ZFPM2: variants seen among roughly 807,000 people sequenced by gnomAD.
The protein encoded by ZFPM2 is zinc finger protein ZFPM2.
A neutral mutation model predicts 98.6 loss-of-function variants in ZFPM2; 20 were observed. The observed-to-expected ratio is 0.20, with a 90% CI of 0.14 to 0.29. The LOEUF (loss-of-function observed/expected upper bound fraction) is 0.29, where lower values mean the gene tolerates loss of function less well. Ranked by LOEUF, ZFPM2 falls within the 10% of genes least tolerant of loss-of-function variation. The probability of loss-of-function intolerance (pLI) is 1.00; values close to 1 mark genes in which losing one functional copy is unlikely to be tolerated. For missense variants in ZFPM2, 1,310 were observed against 1,388.6 expected, an observed-to-expected ratio of 0.94 and a Z score of 0.90; for synonymous variants, 518 against 502.7, an observed-to-expected ratio of 1.03 and a Z score of -0.41.
At chr8:105,791,880 A>T (rs1244191686) in intron 6 of ZFPM2, among the ~76,000 whole-genome samples, 2 of 152,042 alleles carry the variant, frequency 1.3e-5, no homozygotes, top group Non-Finnish European at 2.9e-5. Flanking sequence ...ATTTGCATAG[A>T]GGTGTTTGTA....
At chr8:105,801,012 G>A (rs371923037) in intron 7 of ZFPM2, 35 bp from the exon 8 acceptor site, 3 of 1,570,294 alleles carry the variant, frequency 1.9e-6, no homozygotes, top group Non-Finnish European at 2.6e-6. Flanking sequence ...CAACACACAT[G>A]TTTCTCATTG....
intron 3 of ZFPM2, among the ~76,000 whole-genome samples, chr8:105,523,882 T>C (rs541252623): frequency 1.3e-5 from 2 of 152,264 alleles, no homozygotes; most frequent in East Asian, 3.9e-4. Context: ...CAAAAGCAAC[T>C]GGGAGAACAT....
intron 1 of ZFPM2, 36 bp from the exon 2 acceptor site, chr8:105,419,108 A>G (rs1811741065): frequency 3.1e-6 from 5 of 1,594,790 alleles, no homozygotes; most frequent in South Asian, 1.1e-5. Context: ...TCTTCCTTGC[A>G]TATTTTTGGT....
At chr8:105,329,557 G>A (rs1377425184) in intron 1 of ZFPM2, among the ~76,000 whole-genome samples, 2 of 151,646 alleles carry the variant, frequency 1.3e-5, no homozygotes, top group East Asian at 3.9e-4. Flanking sequence ...GTAATCTTAT[G>A]GGGTAAAGAG....
intron 5 of ZFPM2, among the ~76,000 whole-genome samples, chr8:105,701,125 T>C (rs911815097): frequency 1.3e-5 from 2 of 152,226 alleles, no homozygotes; most frequent in Non-Finnish European, 2.9e-5. Context: ...ATTTTGTTTT[T>C]CCTTGTTTTA....
chr8:105,444,013 T>C (rs1363888425), intron 2 of ZFPM2, among the ~76,000 whole-genome samples: 1 of 152,182 alleles, frequency 6.6e-6, no homozygotes, highest in Non-Finnish European at 1.5e-5. Context: ...TTATATATAT[T>C]AATAACTCCA....
intron 3 of ZFPM2, among the ~76,000 whole-genome samples, chr8:105,517,707 C>CACACACACACACA (rs61552974): frequency 1.6e-5 from 2 of 124,978 alleles, no homozygotes; most frequent in Non-Finnish European, 1.6e-5. Flanking sequence ...CACACACACA[C>CACACACACACACA]CACACACACA....
At chr8:105,662,246 C>G (rs149442624) in intron 5 of ZFPM2, 4 of 151,900 alleles carry the variant, frequency 2.6e-5, no homozygotes, top group Non-Finnish European at 4.4e-5. Flanking sequence ...GGGATTAGCA[C>G]GGACATACTG....
rs898241544 is a variant in ZFPM2 at position 105,513,129 on chromosome 8, C to T, written c.302-48234C>T. Reference sequence around the variant, plus strand: ...TGTTGTTGTGGAATGGTGGGCCCAACGTGCAAAATAGCAGATAAATAAGGA... The same window carrying T: ...TGTTGTTGTGGAATGGTGGGCCCAATGTGCAAAATAGCAGATAAATAAGGA... On this transcript the variant is annotated intron_variant, in intron 3 of 7. Transcript: ENST00000407775. Among the ~76,000 whole-genome samples, 6 of 152,020 alleles carry T rather than the reference C, an allele frequency of 3.9e-5. No individual in the cohort carries two copies. In the South Asian group the frequency reaches 6.2e-4, roughly 16 times the overall value.
At chr8:105,714,887 T>TACAGCC (rs1811482091) in intron 5 of ZFPM2, among the ~76,000 whole-genome samples, 1 of 152,130 alleles carries the variant, frequency 6.6e-6, no homozygotes, top group Non-Finnish European at 1.5e-5. Flanking sequence ...ACACTGTGAC[T>TACAGCC]AGCACAATAA....
At chr8:105,725,901 A>G (rs531790721) in intron 5 of ZFPM2, among the ~76,000 whole-genome samples, 4 of 151,802 alleles carry the variant, frequency 2.6e-5, no homozygotes, top group Non-Finnish European at 5.9e-5. Flanking sequence ...CTATGATTCA[A>G]CCCAGTTCAA....
intron 5 of ZFPM2, among the ~76,000 whole-genome samples, chr8:105,686,491 A>G (rs900542936): frequency 3.3e-5 from 5 of 152,118 alleles, no homozygotes; most frequent in African/African-American, 7.2e-5. Flanking sequence ...GCATCAGGGT[A>G]TAAGAAATAA....
intron 5 of ZFPM2, among the ~76,000 whole-genome samples, chr8:105,641,400 A>G (rs1464701809): frequency 6.6e-6 from 1 of 152,032 alleles, no homozygotes; most frequent in Non-Finnish European, 1.5e-5. Flanking sequence ...TTCTATTAAT[A>G]TTTTGAGGAG....
At chr8:105,500,925 G>T (rs1813580224) in intron 3 of ZFPM2, among the ~76,000 whole-genome samples, 1 of 152,046 alleles carries the variant, frequency 6.6e-6, no homozygotes, top group Admixed American at 6.6e-5. Flanking sequence ...AAAGAAGAAA[G>T]ATTTAGTCAA....
At chr8:105,728,634 A>T (rs1811866259) in intron 5 of ZFPM2, among the ~76,000 whole-genome samples, 1 of 151,794 alleles carries the variant, frequency 6.6e-6, no homozygotes, top group South Asian at 2.1e-4. Flanking sequence ...GGAAAGGCAT[A>T]TCTACAACAA....
intron 1 of ZFPM2, among the ~76,000 whole-genome samples, chr8:105,393,336 GCCTT>G (rs780286633): frequency 2.1e-3 from 71 of 34,152 alleles, no homozygotes; most frequent in African/African-American, 2.9e-3. Flanking sequence ...CTCTCTCTTT[GCCTT>G]TCTTTCTTTC....
chr8:105,605,665 T>C (rs1407218062), intron 4 of ZFPM2, among the ~76,000 whole-genome samples: 1 of 152,144 alleles, frequency 6.6e-6, no homozygotes, highest in Non-Finnish European at 1.5e-5. Context: ...ATGAGAGTAA[T>C]ATTTGTCATA....
intron 5 of ZFPM2, among the ~76,000 whole-genome samples, chr8:105,727,103 T>A (rs935162468): frequency 4.2e-4 from 64 of 151,850 alleles, no homozygotes; most frequent in African/African-American, 1.5e-3. Context: ...AGAGTATTTA[T>A]GTTTTAAAAC....
Position 105,416,457 on chromosome 8 carries a change from T to C in ZFPM2, c.41-2687T>C, listed in dbSNP as rs1373505787. On this transcript the variant is annotated intron_variant, in intron 1 of 7. Coordinates refer to ENST00000407775, the MANE Select transcript of ZFPM2 (RefSeq NM_012082.4). ...TTACTGTTAATTAAACATTGTATAA[T>C]ATGTATACATTCTTTTTATTATATA... Among the ~76,000 whole-genome samples the C allele has an allele frequency of 2.0e-5, 3 of 151,826 alleles. No individual in the cohort carries two copies. The East Asian group carries it at 5.8e-4, about 29-fold the overall frequency.
Sources: gnomAD v4.1 joint callset for allele counts (sites outside exome capture counted in the v4.1 genomes callset) on GRCh38, gnomAD v4.1.1 for gene constraint, MANE v1.5 for transcripts, NCBI Gene and HGNC (gene_info 2026-07-23, HGNC 2026-07-21) for gene names.